The following ELL variants were observed in gnomAD, a reference collection of about 807,000 sequenced individuals.
The protein encoded by ELL is elongation factor for RNA polymerase II, also known as RNA polymerase II elongation factor ELL.
A neutral mutation model predicts 64.0 loss-of-function variants in ELL; 18 were observed. The ratio of observed to expected loss-of-function variants is 0.28; its 90% CI spans 0.19 to 0.42. The LOEUF is 0.42. Ranked by LOEUF, ELL falls within the 10% of genes least tolerant of loss-of-function variation. ELL has a pLI of 1.00. For synonymous variants in ELL, 399 were observed against 376.2 expected (o/e 1.06, Z -0.70); for missense variants, 797 against 870.4 (o/e 0.92, Z 1.06).
At position 18,446,435 on chromosome 19, in the gene ELL, C is replaced by A. The variant is rs780413576; in HGVS notation, c.1578G>T (p.Lys526Asn). 3.7e-6 allele frequency: 6 copies of A among 1,612,876 alleles called. No individual in the cohort carries two copies. In the African/African-American group the frequency reaches 8.0e-5, roughly 22 times the overall value. Residue 526 changes from lysine to asparagine, a missense_variant, in exon 10 of 12, where the codon AAG becomes AAT. Physicochemically the swap from Lys to Asn is moderately conservative, Grantham distance 94 (BLOSUM62 0). Coordinates refer to ENST00000262809, the MANE Select transcript of ELL (RefSeq NM_006532.4). ...CGCTGTACTCGGCATTGAAGTCGTT[C>A]TTGTAGCTCTGGCGCTGCTCCGAAG... is the stretch of plus-strand genomic sequence containing the variant. ...ISSSEQRQSY[K>N]NDFNAEYSEY... is the part of the protein sequence containing the mutation.
Position 18,450,465 on chromosome 19 carries a change from C to T in ELL, c.1465+12G>A, listed in dbSNP as rs1568375398. 6.2e-7 allele frequency: 1 copy of T among 1,610,276 alleles called. No individual in the cohort carries two copies. The highest frequency in any genetic ancestry group is 8.5e-7 in the Non-Finnish European group (1 of 1,178,216). On this transcript the variant is annotated intron_variant, in intron 8 of 11. Transcript: ENST00000262809. ...TAGAGCCCCGGCAACGCCCTCCTGC[C>T]TGGGCACCTACCTGGGGTGTCTGCT...
At position 18,444,042 on chromosome 19, in the gene ELL, G is replaced by A. The variant is rs1478918557; in HGVS notation, c.*710C>T. ...GGGCCTGAAATAGCAGGGCAGGCCTGGGGGCGCTGAAAGCCCTCTGCCCCC... is the reference window on the plus strand; with the variant it reads ...GGGCCTGAAATAGCAGGGCAGGCCTAGGGGCGCTGAAAGCCCTCTGCCCCC... On this transcript the variant is annotated 3_prime_UTR_variant, in exon 12 of 12. Transcript: ENST00000262809. 2 of 231,712 alleles carry A rather than the reference G, an allele frequency of 8.6e-6. No homozygotes were observed. Among genetic ancestry groups the A allele is most frequent in the Non-Finnish European group, 1.7e-5 (2 of 117,168 alleles). The allele number at this position is 231,712 out of a possible 1,614,324, so 14.4% of individuals were successfully genotyped here. A position where few individuals can be genotyped will look rare whatever the true frequency, so the allele number is the denominator to read the frequency against.
chr19:18,450,936 T>C lies in ELL; in HGVS notation c.1006A>G (p.Asn336Asp), dbSNP rs767979441. 4 of 1,535,262 alleles carry C rather than the reference T, an allele frequency of 2.6e-6. No homozygotes were observed. Among genetic ancestry groups the C allele is most frequent in the East Asian group, 2.3e-5 (1 of 44,078 alleles). The change falls in exon 8 of 12, where the codon AAC becomes GAC. Residue 336 changes from asparagine to aspartate, a missense_variant. Asn to Asp is a conservative substitution (Grantham distance 23). Transcript: ENST00000262809. ...AAGTGCGATATCCGGGGTTTCTTGT[T>C]GGCTAGGGGGTCGATGAAATCAGGA... ...QPPDFIDPLA[N>D]KKPRISHFTQ...
At position 18,443,947 on chromosome 19, in the gene ELL, GAA is replaced by G. The variant is rs1974349775; in HGVS notation, c.*803_*804del. 1 of 232,702 alleles carries G rather than the reference GAA, an allele frequency of 4.3e-6. No individual in the cohort carries two copies. Among genetic ancestry groups the G allele is most frequent in the Non-Finnish European group, 8.5e-6 (1 of 117,788 alleles). 14.4% of individuals were successfully genotyped at this position (232,702 alleles called of 1,614,324 possible). ...AATGGGAAACCGAGGACATCGCAAA[GAA>G]AAGTCTGACGCCGCTGCGGCCGAGT... On this transcript the variant is annotated 3_prime_UTR_variant, in exon 12 of 12. Coordinates refer to ENST00000262809, the MANE Select transcript of ELL (RefSeq NM_006532.4).
intron 8 of ELL, among the ~76,000 whole-genome samples, chr19:18,447,236 A>C (rs1481887267): frequency 6.6e-6 from 1 of 152,220 alleles, no homozygotes; most frequent in Non-Finnish European, 1.5e-5. Flanking sequence ...TAAGCTGAAA[A>C]CAAATGACCC....
rs1336428369 is a variant in ELL at position 18,444,368 on chromosome 19, T to C, written c.*384A>G. The C allele has an allele frequency of 2.0e-5, 5 of 250,526 alleles. No individual in the cohort carries two copies. The highest frequency in any genetic ancestry group is 7.7e-6 in the Non-Finnish European group (1 of 129,196). The allele number at this position is 250,526 out of a possible 1,614,324, so 15.5% of individuals were successfully genotyped here. Reference sequence around the variant, plus strand: ...TAGAAAAAAGATTTTGCTTCTCTTTTGTACAAAAATAGACTCAAGTCTCAT... The same window carrying C: ...TAGAAAAAAGATTTTGCTTCTCTTTCGTACAAAAATAGACTCAAGTCTCAT... On this transcript the variant is annotated 3_prime_UTR_variant, in exon 12 of 12. Coordinates refer to ENST00000262809, the MANE Select transcript of ELL (RefSeq NM_006532.4).
At chr19:18,473,290 G>C (rs903881148) in intron 1 of ELL, 1 of 477,986 alleles carries the variant, frequency 2.1e-6, no homozygotes, top group African/African-American at 2.0e-5. Context: ...GGTCAGGGTT[G>C]ACCCTGGATC....
chr19:18,480,673 C>T (rs1975281541), intron 1 of ELL, among the ~76,000 whole-genome samples: 1 of 152,200 alleles, frequency 6.6e-6, no homozygotes, highest in Non-Finnish European at 1.5e-5. Flanking sequence ...CTCACTCTGT[C>T]ACCCAGGCTG....
Position 18,444,836 on chromosome 19 carries a change from G to A in ELL, c.1782C>T (p.Arg594=), listed in dbSNP as rs762409338. Residue 594 remains arginine, a synonymous_variant, in exon 12 of 12, where the codon CGC becomes CGT. Coordinates refer to ENST00000262809, the MANE Select transcript of ELL (RefSeq NM_006532.4). ...TNTNYSQEKH[R]CEYLHSKLAH... is the part of the protein sequence containing the mutation. ...CCAGCTTGCTGTGCAGGTACTCGCAGCGGTGCTTCTCCTGGCTGTAGTTGG... is the reference window on the plus strand; with the variant it reads ...CCAGCTTGCTGTGCAGGTACTCGCAACGGTGCTTCTCCTGGCTGTAGTTGG... 1 of 1,612,212 alleles carries A rather than the reference G, an allele frequency of 6.2e-7. No individual in the cohort carries two copies. Among genetic ancestry groups the A allele is most frequent in the Admixed American group, 1.7e-5 (1 of 60,020 alleles).
intron 1 of ELL, among the ~76,000 whole-genome samples, chr19:18,517,903 G>A (rs1347186601): frequency 1.4e-5 from 2 of 142,982 alleles, no homozygotes; most frequent in Non-Finnish European, 1.5e-5. Flanking sequence ...AAAAAAAAAA[G>A]AAGGAGAAGA....
chr19:18,502,295 TG>T (rs2144966132), intron 1 of ELL, among the ~76,000 whole-genome samples: 1 of 152,040 alleles, frequency 6.6e-6, no homozygotes, highest in Non-Finnish European at 1.5e-5. Context: ...GGAACAGCTG[TG>T]GGTACACAAA....
intron 11 of ELL, 144 bp downstream of exon 11, chr19:18,445,080 T>C: frequency 8.2e-7 from 1 of 1,224,282 alleles, no homozygotes; most frequent in Non-Finnish European, 1.2e-6. Flanking sequence ...TAGCTGGGGG[T>C]GGTGGGGCAA....
chr19:18,481,653 T>C (rs1168337218), intron 1 of ELL, among the ~76,000 whole-genome samples: 1 of 152,182 alleles, frequency 6.6e-6, no homozygotes, highest in African/African-American at 2.4e-5. Context: ...GAATCTGCTG[T>C]GGCCATGATT....
At chr19:18,503,981 C>T (rs907145151) in intron 1 of ELL, among the ~76,000 whole-genome samples, 3 of 152,254 alleles carry the variant, frequency 2.0e-5, no homozygotes, top group African/African-American at 7.2e-5. Context: ...GGACAACCCG[C>T]TCACTCACAT....
At chr19:18,488,974 G>A (rs533915235) in intron 1 of ELL, among the ~76,000 whole-genome samples, 13 of 152,352 alleles carry the variant, frequency 8.5e-5, no homozygotes, top group East Asian at 3.9e-4. Flanking sequence ...GTGCAGGCGC[G>A]GGTCCCTGCA....
chr19:18,459,242 G>T (rs34171591), intron 5 of ELL, among the ~76,000 whole-genome samples: 2 of 152,144 alleles, frequency 1.3e-5, no homozygotes, highest in African/African-American at 2.4e-5. Flanking sequence ...TGGGTGAGGG[G>T]TACCTCTGGG....
chr19:18,490,941 C>A (rs1975517708), intron 1 of ELL, among the ~76,000 whole-genome samples: 1 of 152,238 alleles, frequency 6.6e-6, no homozygotes, highest in Admixed American at 6.5e-5. Context: ...CATTCTCACA[C>A]ATGCTCACCA....
intron 1 of ELL, among the ~76,000 whole-genome samples, chr19:18,496,017 G>A (rs1054767624): frequency 1.3e-5 from 2 of 152,178 alleles, no homozygotes; most frequent in African/African-American, 4.8e-5. Context: ...GATGTGGGAG[G>A]TTTATATGGG....
intron 1 of ELL, among the ~76,000 whole-genome samples, chr19:18,487,873 C>T (rs553740491): frequency 6.6e-6 from 1 of 152,360 alleles, no homozygotes; most frequent in East Asian, 1.9e-4. Flanking sequence ...TCCGAACACT[C>T]AGGAGCTGTG....
Sources: gnomAD v4.1 joint callset for allele counts (sites outside exome capture counted in the v4.1 genomes callset) on GRCh38, gnomAD v4.1.1 for gene constraint, MANE v1.5 for transcripts, NCBI Gene and HGNC (gene_info 2026-07-23, HGNC 2026-07-21) for gene names.